Variants in FARS2 observed in about 807,000 individuals in gnomAD.
FARS2 encodes the protein phenylalanine--tRNA ligase, mitochondrial.
Under a neutral mutation model 46.4 loss-of-function variants are expected in FARS2, and 40 were observed. The observed-to-expected ratio is 0.86, with a 90% CI of 0.67 to 1.12. The LOEUF is 1.12. FARS2 is among the 50% of genes most tolerant of loss of function. The probability of loss-of-function intolerance (pLI) is 0.00; values close to 1 mark genes in which losing one functional copy is unlikely to be tolerated. For synonymous variants in FARS2, 234 were observed against 214.9 expected (o/e 1.09, Z -0.78); for missense variants, 513 against 567.9 (o/e 0.90, Z 0.98).
chr6:5,367,790 A>T (rs1758776385), intron 1 of FARS2, among the ~76,000 whole-genome samples: 1 of 152,154 alleles, frequency 6.6e-6, no homozygotes, highest in African/African-American at 2.4e-5. Context: ...GATGCCACAA[A>T]GGTATTAAGT....
rs1463590076 is a variant in FARS2, at chr6:5,369,190, T to G, written c.612+8T>G. ...CTCTTCTCCAAGCATGAGGTGAGTC[T>G]TGAGATGTTTCTCATCGCTGAAGGA... On this transcript the variant is annotated splice_region_variant and intron_variant, in intron 2 of 6. Transcript: ENST00000274680. 6.2e-7 allele frequency: 1 copy of G among 1,601,128 alleles called. No individual in the cohort carries two copies. The highest frequency in any genetic ancestry group is 1.1e-5 in the South Asian group (1 of 90,876).
chr6:5,571,788 T>C (rs550654440), intron 5 of FARS2, among the ~76,000 whole-genome samples: 1 of 152,278 alleles, frequency 6.6e-6, no homozygotes, highest in East Asian at 1.9e-4. Context: ...TCCCACGATC[T>C]TCTACTCTTC....
intron 1 of FARS2, among the ~76,000 whole-genome samples, chr6:5,295,414 G>A (rs1461538272): frequency 2.0e-5 from 3 of 152,066 alleles, no homozygotes; most frequent in Non-Finnish European, 4.4e-5. Context: ...AGGTGTTTGA[G>A]TCAAAAGGGC....
intron 5 of FARS2, among the ~76,000 whole-genome samples, chr6:5,578,178 T>C (rs1400153728): frequency 6.6e-6 from 1 of 152,196 alleles, no homozygotes; most frequent in Non-Finnish European, 1.5e-5. Context: ...GAATGAATAA[T>C]GGTTAAGCCC....
intron 1 of FARS2, among the ~76,000 whole-genome samples, chr6:5,350,868 A>G (rs74450560): frequency 6.6e-6 from 1 of 152,196 alleles, no homozygotes; most frequent in East Asian, 1.9e-4. Context: ...AGTTTCATTA[A>G]AATAATCCCC....
intron 1 of FARS2, among the ~76,000 whole-genome samples, chr6:5,278,920 G>A (rs553725068): frequency 1.2e-4 from 18 of 152,350 alleles, no homozygotes; most frequent in African/African-American, 4.3e-4. Context: ...GAGGCCTTGA[G>A]TGCACAACAA....
the FARS2 span, among the ~76,000 whole-genome samples, chr6:5,252,254 AT>A: frequency 6.6e-6 from 1 of 152,202 alleles, no homozygotes; most frequent in East Asian, 1.9e-4. Flanking sequence ...TCTGAAAAGA[AT>A]GGGGTTGTGG....
intron 4 of FARS2, among the ~76,000 whole-genome samples, chr6:5,468,440 A>G (rs1276578363): frequency 2.0e-5 from 3 of 152,142 alleles, no homozygotes; most frequent in Non-Finnish European, 2.9e-5. Flanking sequence ...ATCTTATTAC[A>G]ATAATTGAAT....
chr6:5,553,361 C>T (rs1395661719), intron 5 of FARS2, among the ~76,000 whole-genome samples: 1 of 152,154 alleles, frequency 6.6e-6, no homozygotes, highest in Non-Finnish European at 1.5e-5. Context: ...TACTCTGTGT[C>T]AAGCATTATT....
chr6:5,628,013 A>T (rs1372513749), intron 6 of FARS2, among the ~76,000 whole-genome samples: 1 of 152,228 alleles, frequency 6.6e-6, no homozygotes, highest in East Asian at 1.9e-4. Context: ...GGGAAAAGGA[A>T]AAAAGGAAAC....
intron 6 of FARS2, among the ~76,000 whole-genome samples, chr6:5,725,141 G>T (rs1376489154): frequency 6.6e-6 from 1 of 152,242 alleles, no homozygotes; most frequent in African/African-American, 2.4e-5. Flanking sequence ...TGGATGATGC[G>T]GAGCAGACAC....
intron 3 of FARS2, among the ~76,000 whole-genome samples, chr6:5,409,382 C>T (rs1236684623): frequency 4.0e-5 from 6 of 151,820 alleles, no homozygotes; most frequent in Admixed American, 2.6e-4. Flanking sequence ...ACCTGAGAGG[C>T]GGAGGTTGCA....
intron 1 of FARS2, chr6:5,272,632 A>G (rs918685458): frequency 5.3e-5 from 8 of 152,228 alleles, no homozygotes; most frequent in Non-Finnish European, 8.8e-5. Flanking sequence ...TGTGATATCT[A>G]TCACCTTAAA....
At chr6:5,406,730 T>A (rs1470872846) in intron 3 of FARS2, among the ~76,000 whole-genome samples, 1 of 151,864 alleles carries the variant, frequency 6.6e-6, no homozygotes, top group Non-Finnish European at 1.5e-5. Context: ...CTATGAACAT[T>A]CATGGATCAG....
chr6:5,471,229 C>T lies in FARS2; in HGVS notation c.904+40057C>T, dbSNP rs530568450. ...TTTGAGGAGCTAAAAATGAATTGCACGTATTAATTAAGTCTTGCCGAGGCC... is the reference window on the plus strand; with the variant it reads ...TTTGAGGAGCTAAAAATGAATTGCATGTATTAATTAAGTCTTGCCGAGGCC... On this transcript the variant is annotated intron_variant, in intron 4 of 6. Transcript: ENST00000274680. This position sits in a 1 kb window ranked among gnomAD's most constrained non-coding sequence, Gnocchi z 4.1. Among the ~76,000 whole-genome samples the T allele has an allele frequency of 6.8e-4, 103 of 152,244 alleles. No individual in the cohort carries two copies. The highest frequency in any genetic ancestry group is 1.3e-3 in the Non-Finnish European group (91 of 68,010).
chr6:5,712,545 C>T (rs988203808), intron 6 of FARS2, among the ~76,000 whole-genome samples: 1 of 152,226 alleles, frequency 6.6e-6, no homozygotes, highest in Non-Finnish European at 1.5e-5. Flanking sequence ...CTCAGCAACT[C>T]GGAAATGTAG....
intron 6 of FARS2, among the ~76,000 whole-genome samples, chr6:5,642,102 G>A (rs1386139514): frequency 6.6e-6 from 1 of 152,142 alleles, no homozygotes; most frequent in Non-Finnish European, 1.5e-5. Context: ...CTACATAGGT[G>A]CATACATACA....
At chr6:5,609,330 C>A (rs970034623) in intron 5 of FARS2, 109 of 1,163,602 alleles carry the variant, frequency 9.4e-5, no homozygotes, top group South Asian at 3.8e-4. Flanking sequence ...ACCATAGGGA[C>A]CAGAGCTTCT....
intron 4 of FARS2, among the ~76,000 whole-genome samples, chr6:5,484,727 C>T (rs575986048): frequency 1.3e-5 from 2 of 152,248 alleles, no homozygotes; most frequent in Non-Finnish European, 2.9e-5. Flanking sequence ...TCCCAGGAAT[C>T]ACAGGAGTGG....
Sources: allele counts gnomAD v4.1 joint callset (sites outside exome capture counted in the v4.1 genomes callset), GRCh38; gene constraint gnomAD v4.1.1; non-coding constraint Gnocchi (gnomAD v3.1); transcripts MANE v1.5; gene names NCBI Gene and HGNC (gene_info 2026-07-23, HGNC 2026-07-21).